The following GRB10 variants were observed in gnomAD, a reference collection of about 807,000 sequenced individuals.
GRB10 encodes the protein growth factor receptor-bound protein 10.
Under a neutral mutation model 80.9 loss-of-function variants are expected in GRB10, and 20 were observed. That is an observed-to-expected ratio of 0.25 (90% CI 0.17 to 0.36). The LOEUF is 0.36. Ranked by LOEUF, GRB10 falls within the 10% of genes least tolerant of loss-of-function variation. The probability of loss-of-function intolerance (pLI) is 1.00; values close to 1 mark genes in which losing one functional copy is unlikely to be tolerated. For synonymous variants in GRB10, 291 were observed against 291.5 expected (o/e 1.00, Z 0.02); for missense variants, 548 against 747.7 (o/e 0.73, Z 3.12).
chr7:50,757,907 A>G (rs1166571954), intron 2 of GRB10, among the ~76,000 whole-genome samples: 1 of 152,248 alleles, frequency 6.6e-6, no homozygotes, highest in Non-Finnish European at 1.5e-5. Context: ...AATGTAAGAC[A>G]TGTGCTTGAA....
chr7:50,611,077 CT>C (rs1012432426), intron 13 of GRB10, among the ~76,000 whole-genome samples: 1 of 152,134 alleles, frequency 6.6e-6, no homozygotes, highest in Non-Finnish European at 1.5e-5. Flanking sequence ...AAGATCACCC[CT>C]GGCCGCTGCC....
At chr7:50,765,230 T>G (rs1288890704) in intron 2 of GRB10, among the ~76,000 whole-genome samples, 1 of 152,170 alleles carries the variant, frequency 6.6e-6, no homozygotes, top group Non-Finnish European at 1.5e-5. Context: ...GAATGTAAAT[T>G]AGTGCAGCCC....
At chr7:50,737,090 A>G (rs1200080076) in intron 3 of GRB10, among the ~76,000 whole-genome samples, 2 of 152,376 alleles carry the variant, frequency 1.3e-5, no homozygotes, top group Middle Eastern at 6.8e-3. Flanking sequence ...AAAAGATTGT[A>G]AAGACAACAC....
chr7:50,732,881 A>T (rs1464937643), intron 3 of GRB10, among the ~76,000 whole-genome samples: 1 of 152,064 alleles, frequency 6.6e-6, no homozygotes, highest in East Asian at 1.9e-4. Context: ...AACCTGACAA[A>T]CTCATTACAT....
chr7:50,772,341 T>TGCA (rs2077065079), intron 2 of GRB10, among the ~76,000 whole-genome samples: 1 of 152,218 alleles, frequency 6.6e-6, no homozygotes, highest in South Asian at 2.1e-4. Context: ...CTCGTTCTGG[T>TGCA]CTTCTAGACC....
chr7:50,668,178 A>G (rs2060000928), intron 7 of GRB10, among the ~76,000 whole-genome samples: 1 of 152,100 alleles, frequency 6.6e-6, no homozygotes, highest in African/African-American at 2.4e-5. Context: ...CTGAGGTCAG[A>G]ACGGGACCCA....
At chr7:50,663,661 G>A (rs1471508547) in intron 7 of GRB10, among the ~76,000 whole-genome samples, 1 of 152,254 alleles carries the variant, frequency 6.6e-6, no homozygotes, top group African/African-American at 2.4e-5. Flanking sequence ...AGCAGCAGTG[G>A]CTGCAGCTGC....
chr7:50,639,641 C>T (rs1033339744), intron 7 of GRB10, among the ~76,000 whole-genome samples: 27 of 151,578 alleles, frequency 1.8e-4, no homozygotes, highest in Non-Finnish European at 2.9e-4. Context: ...CCACTGCACT[C>T]CAGCTTGGGC....
chr7:50,596,863 CA>C (rs2046750237), intron 17 of GRB10, among the ~76,000 whole-genome samples: 1 of 151,872 alleles, frequency 6.6e-6, no homozygotes, highest in African/African-American at 2.4e-5. Context: ...TAGAATAGCA[CA>C]AAAAAGGCAT....
intron 6 of GRB10, among the ~76,000 whole-genome samples, chr7:50,670,699 T>C (rs2060271076): frequency 6.6e-6 from 1 of 152,198 alleles, no homozygotes; most frequent in South Asian, 2.1e-4. Context: ...CAAGTGTTTT[T>C]CAATGTCCTT....
chr7:50,653,373 C>T (rs2153620480), intron 7 of GRB10, among the ~76,000 whole-genome samples: 1 of 152,322 alleles, frequency 6.6e-6, no homozygotes, highest in East Asian at 1.9e-4. Context: ...CAACTAATCT[C>T]CCACAGCCTC....
At chr7:50,683,430 T>C (rs1290393262) in intron 5 of GRB10, among the ~76,000 whole-genome samples, 3 of 152,196 alleles carry the variant, frequency 2.0e-5, no homozygotes, top group Non-Finnish European at 4.4e-5. Flanking sequence ...GCCATTGAAA[T>C]GTGCATTTAA....
chr7:50,682,634 TTGGCTTGTCACTTTA>T lies in GRB10; in HGVS notation c.140-7991_140-7977del, dbSNP rs2061673401. Among the ~76,000 whole-genome samples, 2 of 152,242 alleles carry T rather than the reference TTGGCTTGTCACTTTA, an allele frequency of 1.3e-5. 1 individual carries two copies. The highest frequency in any genetic ancestry group is 4.1e-4 in the South Asian group (2 of 4,832). On this transcript the variant is annotated intron_variant, in intron 5 of 18. Transcript: ENST00000401949. ...ATATACTACTTTGTTTCTGTACTTTTTGGCTTGTCACTTTATAGCAGTGGTTTGAAAAGTTTTAAA... is the reference window on the plus strand; with the variant it reads ...ATATACTACTTTGTTTCTGTACTTTTTAGCAGTGGTTTGAAAAGTTTTAAA...
chr7:50,723,080 AC>A (rs2068017301), intron 4 of GRB10, among the ~76,000 whole-genome samples: 1 of 152,212 alleles, frequency 6.6e-6, no homozygotes, highest in Non-Finnish European at 1.5e-5. Flanking sequence ...TATAAAATTT[AC>A]TTTTCTTTTA....
intron 2 of GRB10, among the ~76,000 whole-genome samples, chr7:50,764,781 G>A (rs1216897362): frequency 6.6e-6 from 1 of 152,250 alleles, no homozygotes; most frequent in African/African-American, 2.4e-5. Flanking sequence ...CAGAAGGCAA[G>A]TGTTTAATAA....
At position 50,626,804 on chromosome 7, in the gene GRB10, G is replaced by T; in HGVS notation, c.661+18C>A. On this transcript the variant is annotated intron_variant, in intron 8 of 18. Coordinates refer to ENST00000401949, the MANE Select transcript of GRB10 (RefSeq NM_001350814.2). The stretch of plus-strand genomic sequence containing the variant: ...ATAAGCATCCCCAGGTGCCAATCCT[G>T]TTCTGATGGTTCCCTACCTAATCCT... The T allele has an allele frequency of 6.2e-7, 1 of 1,614,106 alleles. No individual in the cohort carries two copies. The highest frequency in any genetic ancestry group is 8.5e-7 in the Non-Finnish European group (1 of 1,179,966).
chr7:50,719,641 T>C (rs1426843935), intron 4 of GRB10, among the ~76,000 whole-genome samples: 1 of 152,042 alleles, frequency 6.6e-6, no homozygotes. Flanking sequence ...TGTATACCTA[T>C]GTAACAAACC....
At chr7:50,698,379 A>T (rs2063718942) in intron 5 of GRB10, among the ~76,000 whole-genome samples, 1 of 152,218 alleles carries the variant, frequency 6.6e-6, no homozygotes, top group South Asian at 2.1e-4. Context: ...TATTCACAAA[A>T]GTCTTTCTTA....
intron 3 of GRB10, among the ~76,000 whole-genome samples, chr7:50,748,981 T>G (rs1310384608): frequency 6.6e-6 from 1 of 152,222 alleles, no homozygotes; most frequent in Non-Finnish European, 1.5e-5. Context: ...AAACTCTTGT[T>G]CTCTCACCTG....
Sources: gnomAD v4.1 joint callset for allele counts (sites outside exome capture counted in the v4.1 genomes callset) on GRCh38, gnomAD v4.1.1 for gene constraint, MANE v1.5 for transcripts, NCBI Gene and HGNC (gene_info 2026-07-23, HGNC 2026-07-21) for gene names.